RALB: variants seen among roughly 807,000 people sequenced by gnomAD.
RALB encodes the protein ras-related protein Ral-B.
In RALB, 16 loss-of-function variants were observed where a neutral mutation model predicts 21.3. The ratio of observed to expected loss-of-function variants is 0.75; its 90% CI spans 0.51 to 1.14. The LOEUF is 1.14. Among genes scored for constraint, RALB ranks in the 50% most tolerant of loss-of-function variants. RALB has a pLI of 0.00. For synonymous variants in RALB, 93 were observed against 96.1 expected (o/e 0.97, Z 0.19); for missense variants, 161 against 256.2 (o/e 0.63, Z 2.54).
chr2:120,258,510 C>T (rs1021034324), intron 1 of RALB, among the ~76,000 whole-genome samples: 6 of 152,164 alleles, frequency 3.9e-5, no homozygotes, highest in African/African-American at 7.2e-5. Flanking sequence ...GTTTAGCTGC[C>T]GCTCATGGTG....
intron 4 of RALB, 121 bp from the exon 5 acceptor site, chr2:120,293,020 A>C: frequency 2.0e-6 from 2 of 1,025,360 alleles, no homozygotes; most frequent in Non-Finnish European, 2.7e-6. Context: ...TATCCTGCTT[A>C]GTCAAATTAT....
upstream of RALB, among the ~76,000 whole-genome samples, chr2:120,252,501 C>G (rs561868830): frequency 1.3e-5 from 2 of 152,252 alleles, no homozygotes; most frequent in Non-Finnish European, 2.9e-5. Context: ...TCGTCCTAGC[C>G]CTGGCCTGAA....
chr2:120,277,594 A>G lies in RALB; in HGVS notation c.-47-1024A>G, dbSNP rs115850875. Among the ~76,000 whole-genome samples the G allele has an allele frequency of 4.0e-3, 610 of 151,828 alleles. 5 individuals carry two copies. The highest frequency in any genetic ancestry group is 0.014 in the African/African-American group (572 of 41,388). ...TGAGAGGACAAGTGTGTGATAGTGT[A>G]TGGAGTGTGTGTTGTGAGAGCATGT... On this transcript the variant is annotated intron_variant, in intron 1 of 4. Coordinates refer to ENST00000272519, the MANE Select transcript of RALB (RefSeq NM_002881.3).
chr2:120,258,756 G>T (rs1689262263), intron 1 of RALB, among the ~76,000 whole-genome samples: 1 of 152,198 alleles, frequency 6.6e-6, no homozygotes, highest in South Asian at 2.1e-4. Flanking sequence ...GAGGCAATGG[G>T]AGTCAAAAAT....
At chr2:120,263,649 T>A (rs928214388) in intron 1 of RALB, among the ~76,000 whole-genome samples, 4 of 152,024 alleles carry the variant, frequency 2.6e-5, no homozygotes. Flanking sequence ...AGCCTCTGCC[T>A]CCCAGGCTCA....
chr2:120,263,009 C>G (rs1003694561), intron 1 of RALB, among the ~76,000 whole-genome samples: 11 of 152,146 alleles, frequency 7.2e-5, no homozygotes, highest in Non-Finnish European at 1.5e-5. Context: ...AAGGAGGACT[C>G]AAAGCCAGGC....
chr2:120,277,082 C>T (rs1284806213), intron 1 of RALB, among the ~76,000 whole-genome samples: 1 of 152,160 alleles, frequency 6.6e-6, no homozygotes, highest in Non-Finnish European at 1.5e-5. Context: ...ACTGGAGTTG[C>T]TCTACTCATT....
intron 1 of RALB, among the ~76,000 whole-genome samples, chr2:120,247,184 G>T (rs1367082907): frequency 3.9e-5 from 6 of 152,212 alleles, no homozygotes; most frequent in Non-Finnish European, 2.9e-5. Flanking sequence ...GAGAGGACAT[G>T]CAGTGGGGAT....
chr2:120,259,104 GGTGA>G (rs1689276720), intron 1 of RALB, among the ~76,000 whole-genome samples: 1 of 151,892 alleles, frequency 6.6e-6, no homozygotes, highest in Non-Finnish European at 1.5e-5. Flanking sequence ...AGATCTTCGC[GGTGA>G]GTGTTACAGC....
intron 1 of RALB, among the ~76,000 whole-genome samples, chr2:120,244,195 T>A (rs1342205856): frequency 6.6e-6 from 1 of 152,168 alleles, no homozygotes; most frequent in Non-Finnish European, 1.5e-5. Context: ...TTCAATCACC[T>A]CCTACCAGAT....
At chr2:120,281,036 A>G (rs952429361) in intron 2 of RALB, 8 of 287,174 alleles carry the variant, frequency 2.8e-5, no homozygotes, top group African/African-American at 1.6e-4. Context: ...AACAACATAC[A>G]TTTGTCATTC....
intron 1 of RALB, among the ~76,000 whole-genome samples, chr2:120,276,371 A>AG (rs1689794150): frequency 6.6e-6 from 1 of 152,074 alleles, no homozygotes; most frequent in Admixed American, 6.6e-5. Flanking sequence ...GAGGCTGAGC[A>AG]GGGGGTGGAT....
intron 1 of RALB, among the ~76,000 whole-genome samples, chr2:120,265,229 C>T (rs1689473293): frequency 6.6e-6 from 1 of 152,214 alleles, no homozygotes; most frequent in South Asian, 2.1e-4. Context: ...CTCACCTAGC[C>T]CGTACGGTAC....
Position 120,252,934 on chromosome 2 carries a change from A to T in RALB, c.-94A>T. On this transcript the variant is annotated 5_prime_UTR_variant, in exon 1 of 5. Coordinates refer to ENST00000272519, the MANE Select transcript of RALB (RefSeq NM_002881.3). ...CGGGAGGGGGCGGGGCGCGTTTAAG[A>T]GCTGCGGGCCGGGTGCGGACGGCGG... 1 of 984,548 alleles carries T rather than the reference A, an allele frequency of 1.0e-6. No individual in the cohort carries two copies. Among genetic ancestry groups the T allele is most frequent in the South Asian group, 4.7e-5 (1 of 21,268 alleles). 61.0% of individuals were successfully genotyped at this position (984,548 alleles called of 1,614,324 possible). A position where few individuals can be genotyped will look rare whatever the true frequency, so the allele number is the denominator to read the frequency against.
At position 120,252,912 on chromosome 2, in the gene RALB, G is replaced by A. The variant is rs1048711074; in HGVS notation, c.-116G>A. ...GAGGACGGCTGGGGTCCGGCCCCGG[G>A]AGGGGGCGGGGCGCGTTTAAGAGCT... On this transcript the variant is annotated 5_prime_UTR_variant, in exon 1 of 5. Coordinates refer to ENST00000272519, the MANE Select transcript of RALB (RefSeq NM_002881.3). 1 of 985,542 alleles carries A rather than the reference G, an allele frequency of 1.0e-6. No individual in the cohort carries two copies. Among genetic ancestry groups the A allele is most frequent in the Non-Finnish European group, 1.2e-6 (1 of 830,092 alleles). The allele number at this position is 985,542 out of a possible 1,614,324, so 61.0% of individuals were successfully genotyped here. A position where few individuals can be genotyped will look rare whatever the true frequency, so the allele number is the denominator to read the frequency against.
At chr2:120,269,689 G>A (rs902745466) in intron 1 of RALB, among the ~76,000 whole-genome samples, 2 of 152,122 alleles carry the variant, frequency 1.3e-5, no homozygotes, top group Non-Finnish European at 2.9e-5. Context: ...GTCTCCACTC[G>A]ACCCAGGAAG....
At chr2:120,246,745 A>G (rs1452045134) in intron 1 of RALB, among the ~76,000 whole-genome samples, 12 of 152,156 alleles carry the variant, frequency 7.9e-5, no homozygotes, top group Admixed American at 7.2e-4. Flanking sequence ...CTGTGACTGG[A>G]CCTTCAGGTG....
rs189682362 is a variant in RALB at position 120,284,337 on chromosome 2, A to C, written c.115-1537A>C. Among the ~76,000 whole-genome samples, 3 of 152,338 alleles carry C rather than the reference A, an allele frequency of 2.0e-5. No homozygotes were observed. The East Asian group carries it at 5.8e-4, about 29-fold the overall frequency. ...TTCAATTCCATTTTTAAGTTAAAAAAATTTTAAATCACAGCCTTATTAAGA... is the reference window on the plus strand; with the variant it reads ...TTCAATTCCATTTTTAAGTTAAAAACATTTTAAATCACAGCCTTATTAAGA... On this transcript the variant is annotated intron_variant, in intron 2 of 4. Transcript: ENST00000272519.
At chr2:120,249,271 G>GATCCACCCACCTT (rs1278053492), upstream of RALB, among the ~76,000 whole-genome samples, 2 of 152,138 alleles carry the variant, frequency 1.3e-5, no homozygotes, top group Admixed American at 6.5e-5. Context: ...CTGACCTCAT[G>GATCCACCCACCTT]ATCCACCCAC....
Sources: allele counts gnomAD v4.1 joint callset (sites outside exome capture counted in the v4.1 genomes callset), GRCh38; gene constraint gnomAD v4.1.1; transcripts MANE v1.5; gene names NCBI Gene and HGNC (gene_info 2026-07-23, HGNC 2026-07-21).